SCML2: variants seen among roughly 807,000 people sequenced by gnomAD.
The protein encoded by SCML2 is sex comb on midleg-like protein 2.
SCML2 carries 6 observed loss-of-function variants against 48.4 expected under a neutral mutation model. The ratio of observed to expected loss-of-function variants is 0.12; its 90% CI spans 0.07 to 0.24. The LOEUF is 0.24. SCML2 is among the 10% of genes least tolerant of loss of function. The pLI, the probability that SCML2 is intolerant of heterozygous loss-of-function variation, is 1.00. For synonymous variants in SCML2, 181 were observed against 189.5 expected, an observed-to-expected ratio of 0.95 and a Z score of 0.37; for missense variants, 377 against 528.2, an observed-to-expected ratio of 0.71 and a Z score of 2.81.
At chrX:18,307,109 C>T (rs1928780287) in intron 6 of SCML2, among the ~76,000 whole-genome samples, 1 of 110,915 alleles carries the variant, frequency 9.0e-6, no homozygotes, top group Admixed American at 9.6e-5. Flanking sequence ...AAGACGAAAC[C>T]TCGTCTCTGC....
At chrX:18,330,153 G>C (rs1414995033) in intron 3 of SCML2, among the ~76,000 whole-genome samples, 1 of 111,353 alleles carries the variant, frequency 9.0e-6, no homozygotes, top group Non-Finnish European at 1.9e-5. Flanking sequence ...TAAGGAGTGA[G>C]GACAGAATTC....
chrX:18,249,896 C>A (rs924847552), intron 11 of SCML2, among the ~76,000 whole-genome samples: 4 of 110,768 alleles, frequency 3.6e-5, no homozygotes, highest in African/African-American at 9.9e-5. Flanking sequence ...TGGTTCCAGG[C>A]ATTTAAGGAA....
intron 13 of SCML2, among the ~76,000 whole-genome samples, chrX:18,245,294 C>T (rs1926402274): frequency 8.9e-6 from 1 of 112,097 alleles, no homozygotes; most frequent in Non-Finnish European, 1.9e-5. Context: ...GCCCCAATAC[C>T]GGCTACCTTA....
At chrX:18,246,447 G>A (rs1392382525) in intron 13 of SCML2, 130 bp downstream of exon 13, 3 of 613,725 alleles carry the variant, frequency 4.9e-6, no homozygotes, top group Non-Finnish European at 7.5e-6. Flanking sequence ...TGACAGTGAT[G>A]TGAAAGAGAG....
intron 7 of SCML2, among the ~76,000 whole-genome samples, chrX:18,281,653 A>C (rs1927856299): frequency 9.7e-6 from 1 of 102,815 alleles, no homozygotes; most frequent in Non-Finnish European, 2.0e-5. Flanking sequence ...CGGAGGTTGC[A>C]GTGAGCTGAG....
intron 6 of SCML2, among the ~76,000 whole-genome samples, chrX:18,309,482 T>C (rs1053013774): frequency 1.2e-4 from 13 of 112,020 alleles, no homozygotes; most frequent in African/African-American, 2.6e-4. Flanking sequence ...TGTTCGCGTA[T>C]GTTCATTGCA....
In SCML2 at chrX:18,240,728, G is replaced by A. The variant is rs1926233760; in HGVS notation, c.*523C>T. The A allele has an allele frequency of 8.9e-6, 1 of 112,269 alleles. No homozygotes were observed. Among genetic ancestry groups the A allele is most frequent in the Non-Finnish European group, 1.9e-5 (1 of 53,228 alleles). The allele number at this position is 112,269 out of a possible 1,213,427, so 9.3% of individuals were successfully genotyped here. A position where few individuals can be genotyped will look rare whatever the true frequency, so the allele number is the denominator to read the frequency against. The stretch of plus-strand genomic sequence containing the variant: ...CTTTCTAGATATACTGATAGAACAT[G>A]AACAGAACACCACAGAGTATCACAC... On this transcript the variant is annotated 3_prime_UTR_variant, in exon 15 of 15. Transcript: ENST00000251900.
At chrX:18,260,321 G>A in intron 8 of SCML2, 30 bp from the exon 9 acceptor site, 2 of 1,098,023 alleles carry the variant, frequency 1.8e-6, no homozygotes, top group Non-Finnish European at 2.5e-6. Flanking sequence ...AAAAACACAA[G>A]TATACAATAC....
At chrX:18,278,699 C>G (rs1382150665) in intron 7 of SCML2, among the ~76,000 whole-genome samples, 1 of 112,603 alleles carries the variant, frequency 8.9e-6, no homozygotes, top group Non-Finnish European at 1.9e-5. Context: ...ACGGCACAGC[C>G]CCTGCAGCCC....
chrX:18,294,836 G>C (rs1320594766), intron 7 of SCML2, among the ~76,000 whole-genome samples: 2 of 111,152 alleles, frequency 1.8e-5, no homozygotes, highest in Admixed American at 1.9e-4. Context: ...GCTCCATAGA[G>C]TCTAAGAACC....
chrX:18,246,559 C>T lies in SCML2; in HGVS notation c.1822+18G>A. On this transcript the variant is annotated intron_variant, in intron 13 of 14. Transcript: ENST00000251900. ...GGCAAAAGACAAACACATTGAGAGTCACTATTTTTGAACATACCTTCACTT... is the reference window on the plus strand; with the variant it reads ...GGCAAAAGACAAACACATTGAGAGTTACTATTTTTGAACATACCTTCACTT... 1 of 1,179,876 alleles carries T rather than the reference C, an allele frequency of 8.5e-7. No homozygotes were observed. Among genetic ancestry groups the T allele is most frequent in the Non-Finnish European group, 1.1e-6 (1 of 878,897 alleles).
chrX:18,263,332 A>C (rs1306159412), intron 8 of SCML2, among the ~76,000 whole-genome samples: 4 of 111,468 alleles, frequency 3.6e-5, no homozygotes, highest in Non-Finnish European at 5.6e-5. Context: ...ACTCTGCAAC[A>C]CTGTATTGTA....
intron 7 of SCML2, among the ~76,000 whole-genome samples, chrX:18,294,589 A>C (rs756438880): frequency 1.6e-4 from 18 of 110,417 alleles, no homozygotes; most frequent in Non-Finnish European, 2.8e-4. Context: ...CCCCCACCAC[A>C]CTGCATCCTG....
intron 7 of SCML2, among the ~76,000 whole-genome samples, chrX:18,295,059 G>A (rs1232017405): frequency 9.0e-6 from 1 of 111,039 alleles, no homozygotes; most frequent in East Asian, 2.8e-4. Context: ...TACCACAGCC[G>A]CCACCACCAG....
At chrX:18,344,442 T>C (rs921538110) in intron 1 of SCML2, among the ~76,000 whole-genome samples, 1 of 111,882 alleles carries the variant, frequency 8.9e-6, no homozygotes, top group African/African-American at 3.2e-5. Context: ...GTATGTGCTT[T>C]GAAAGGGAGA....
At chrX:18,351,373 T>C (rs1677902394) in intron 1 of SCML2, among the ~76,000 whole-genome samples, 1 of 111,320 alleles carries the variant, frequency 9.0e-6, no homozygotes, top group Non-Finnish European at 1.9e-5. Context: ...ATGTAGTAAT[T>C]CTCAGACATT....
At chrX:18,289,997 TA>T (rs1430071248) in intron 7 of SCML2, among the ~76,000 whole-genome samples, 1 of 111,004 alleles carries the variant, frequency 9.0e-6, no homozygotes, top group Non-Finnish European at 1.9e-5. Context: ...AAAAAACTAC[TA>T]AAGTGACCAG....
intron 1 of SCML2, among the ~76,000 whole-genome samples, chrX:18,344,021 G>A (rs1481217251): frequency 9.2e-6 from 1 of 108,210 alleles, no homozygotes; most frequent in African/African-American, 3.3e-5. Flanking sequence ...ATGACTTGTG[G>A]GAAACTTAAA....
At chrX:18,351,455 A>G (rs2213615) in intron 1 of SCML2, among the ~76,000 whole-genome samples, 2 of 109,742 alleles carry the variant, frequency 1.8e-5, no homozygotes, top group Admixed American at 1.9e-4. Flanking sequence ...TCTGGCAATG[A>G]CAGACTAATC....
Sources: allele counts gnomAD v4.1 joint callset (sites outside exome capture counted in the v4.1 genomes callset), GRCh38; gene constraint gnomAD v4.1.1; transcripts MANE v1.5; gene names NCBI Gene and HGNC (gene_info 2026-07-23, HGNC 2026-07-21).